Variants in PC observed in about 807,000 individuals in gnomAD.
The protein encoded by PC is pyruvate carboxylase, also known as pyruvate carboxylase, mitochondrial.
PC carries 46 observed loss-of-function variants against 107.8 expected under a neutral mutation model. That is an observed-to-expected ratio of 0.43 (90% CI 0.34 to 0.55). The LOEUF is 0.55. Among genes scored for constraint, PC ranks in the 20% least tolerant of loss-of-function variants. The pLI, the probability that PC is intolerant of heterozygous loss-of-function variation, is 0.04. For missense variants in PC, 1,241 were observed against 1,643.1 expected (o/e 0.76, Z 4.23); for synonymous variants, 662 against 684.7 (o/e 0.97, Z 0.52).
At chr11:66,915,314 C>CT (rs1360913262) in intron 3 of PC, among the ~76,000 whole-genome samples, 1 of 152,190 alleles carries the variant, frequency 6.6e-6, no homozygotes, top group Non-Finnish European at 1.5e-5. Flanking sequence ...GGGAGGGAGG[C>CT]TTCCCCTGAT....
rs1591119887 is a variant in PC, at chr11:66,851,244, G to T, written c.2019C>A (p.Val673=). ...CEVAKENGMD[V]FRVFDSLNYL... is the part of the protein sequence containing the mutation. Reference sequence around the variant, plus strand: ...AGTTGAGGGAGTCAAACACACGGAAGACATCCATGCCATTCTCTTTGGCCA... The same window carrying T: ...AGTTGAGGGAGTCAAACACACGGAATACATCCATGCCATTCTCTTTGGCCA... Residue 673 remains valine (V), a synonymous_variant, in exon 17 of 23, where the codon GTC becomes GTA. Transcript: ENST00000393960. The T allele has an allele frequency of 6.2e-7, 1 of 1,603,554 alleles. No homozygotes were observed. Among genetic ancestry groups the T allele is most frequent in the South Asian group, 1.1e-5 (1 of 91,084 alleles).
chr11:66,857,734 G>A lies in PC; in HGVS notation c.1369-4351C>T. ...GCCTGGGCTGTGGCCCCTTCCTACA[G>A]GGCGCTCACCATGGCCCCGCCGCTC... On this transcript the variant is annotated intron_variant, in intron 12 of 22. Transcript: ENST00000393960. This position sits in a 1 kb window ranked among gnomAD's most constrained non-coding sequence, Gnocchi z 7.1. The A allele has an allele frequency of 2.5e-6, 4 of 1,584,808 alleles. No individual in the cohort carries two copies. Among genetic ancestry groups the A allele is most frequent in the Non-Finnish European group, 3.4e-6 (4 of 1,171,752 alleles).
At chr11:66,890,500 T>A (rs1380618592) in intron 3 of PC, among the ~76,000 whole-genome samples, 1 of 146,640 alleles carries the variant, frequency 6.8e-6, no homozygotes, top group African/African-American at 2.5e-5. Context: ...GGCAGTTTCA[T>A]CTTTTTTTTT....
intron 17 of PC, 50 bp downstream of exon 17, chr11:66,850,990 G>A (rs368006688): frequency 7.7e-5 from 124 of 1,609,066 alleles, no homozygotes; most frequent in African/African-American, 1.2e-4. Flanking sequence ...TGTGGGTGGC[G>A]GGGACATGGC....
chr11:66,849,463 G>A, intron 21 of PC, 93 bp from the exon 22 acceptor site: 2 of 1,602,402 alleles, frequency 1.2e-6, no homozygotes, highest in East Asian at 2.2e-5. Flanking sequence ...ACTGGGCCTT[G>A]GCTCCTCGTT....
intron 3 of PC, among the ~76,000 whole-genome samples, chr11:66,949,673 A>AAAAT (rs1187441570): frequency 6.6e-6 from 1 of 152,258 alleles, no homozygotes; most frequent in South Asian, 2.1e-4. Context: ...CATCGCAAAA[A>AAAAT]AAATAAATAA....
At chr11:66,875,013 G>T (rs774938580) in intron 3 of PC, among the ~76,000 whole-genome samples, 1 of 152,216 alleles carries the variant, frequency 6.6e-6, no homozygotes, top group Non-Finnish European at 1.5e-5. Flanking sequence ...GTGCTGTCCT[G>T]AGAGAGGGAA....
chr11:66,915,356 C>T (rs1367323383), intron 3 of PC, among the ~76,000 whole-genome samples: 1 of 152,182 alleles, frequency 6.6e-6, no homozygotes, highest in Non-Finnish European at 1.5e-5. Context: ...TCTCATTACC[C>T]GCTGCCTGTG....
intron 12 of PC, among the ~76,000 whole-genome samples, chr11:66,853,972 G>A (rs887454974): frequency 3.3e-5 from 5 of 152,326 alleles, no homozygotes; most frequent in African/African-American, 9.6e-5. Flanking sequence ...ACTGCCTCCC[G>A]GGCCTTTCCT....
At chr11:66,943,156 G>T (rs530443410) in intron 3 of PC, among the ~76,000 whole-genome samples, 1 of 152,052 alleles carries the variant, frequency 6.6e-6, no homozygotes, top group Non-Finnish European at 1.5e-5. Flanking sequence ...TGTCATGAGG[G>T]TCCTGTTCTA....
intron 3 of PC, among the ~76,000 whole-genome samples, chr11:66,944,693 A>G (rs1163109074): frequency 2.5e-5 from 3 of 117,766 alleles, no homozygotes; most frequent in Non-Finnish European, 3.8e-5. Flanking sequence ...TTTTGCCACA[A>G]TTTTTTAAAA....
intron 12 of PC, among the ~76,000 whole-genome samples, chr11:66,862,995 A>T (rs1340023705): frequency 6.6e-6 from 1 of 152,122 alleles, no homozygotes; most frequent in Non-Finnish European, 1.5e-5. Context: ...CCGCATCTAC[A>T]TGACTTGGGC....
At chr11:66,925,386 C>T (rs959706769) in intron 3 of PC, among the ~76,000 whole-genome samples, 2 of 152,034 alleles carry the variant, frequency 1.3e-5, no homozygotes, top group African/African-American at 4.8e-5. Context: ...CCCTCAGGGA[C>T]GCATCTCTTT....
chr11:66,862,573 G>C (rs1261017118), intron 12 of PC, among the ~76,000 whole-genome samples: 1 of 152,224 alleles, frequency 6.6e-6, no homozygotes, highest in Non-Finnish European at 1.5e-5. Context: ...CCAAGAAGAA[G>C]ATGGGGTGGT....
rs1945544237 is a variant in PC, at chr11:66,852,233, C to T, written c.1825+206G>A. 6.6e-6 allele frequency among the ~76,000 whole-genome samples: 1 copy of T among 152,226 alleles called. No individual in the cohort carries two copies. The highest frequency in any genetic ancestry group is 2.4e-5 in the African/African-American group (1 of 41,458). On this transcript the variant is annotated intron_variant, in intron 15 of 22. Coordinates refer to ENST00000393960, the MANE Select transcript of PC (RefSeq NM_001040716.2). The surrounding 1 kb of genome is among the most constrained non-coding windows in gnomAD (Gnocchi z 4.7). The stretch of plus-strand genomic sequence containing the variant: ...GCAGGTGTCTCCTCCTGACCCTGGA[C>T]CTCCCAGGATGCACCTGGTCTCAGC...
chr11:66,898,299 A>T (rs1006189708), intron 3 of PC, among the ~76,000 whole-genome samples: 3 of 152,188 alleles, frequency 2.0e-5, no homozygotes, highest in African/African-American at 7.2e-5. Context: ...CTTTTAGCCG[A>T]CTGCGCTGCC....
intron 3 of PC, among the ~76,000 whole-genome samples, chr11:66,897,044 G>A (rs540914885): frequency 6.6e-6 from 1 of 152,188 alleles, no homozygotes; most frequent in East Asian, 1.9e-4. Flanking sequence ...AGATTCTCAT[G>A]CCTCAGCCTC....
intron 3 of PC, among the ~76,000 whole-genome samples, chr11:66,907,216 T>C (rs903073900): frequency 1.3e-5 from 2 of 152,354 alleles, no homozygotes; most frequent in Non-Finnish European, 2.9e-5. Flanking sequence ...CAAGGTCTTC[T>C]GTCCAAGGTC....
chr11:66,943,877 G>A (rs1352957267), intron 3 of PC, among the ~76,000 whole-genome samples: 1 of 148,266 alleles, frequency 6.7e-6, no homozygotes, highest in Non-Finnish European at 1.5e-5. Flanking sequence ...CCAGCTAATA[G>A]AGAGGCTGAG....
Sources: allele counts gnomAD v4.1 joint callset (sites outside exome capture counted in the v4.1 genomes callset), GRCh38; gene constraint gnomAD v4.1.1; non-coding constraint Gnocchi (gnomAD v3.1); transcripts MANE v1.5; gene names NCBI Gene and HGNC (gene_info 2026-07-23, HGNC 2026-07-21).